CRYBG2: variants seen among roughly 807,000 people sequenced by gnomAD.
CRYBG2 encodes beta/gamma crystallin domain-containing protein 2.
A neutral mutation model predicts 153.4 loss-of-function variants in CRYBG2; 106 were observed. The observed-to-expected ratio is 0.69, with a 90% CI of 0.59 to 0.81. The LOEUF (loss-of-function observed/expected upper bound fraction) is 0.81. Ranked by LOEUF, CRYBG2 falls within the 30% of genes least tolerant of loss-of-function variation. The pLI is 0.00. For missense variants in CRYBG2, 1,996 were observed against 2,112.0 expected (o/e 0.95, Z 1.08); for synonymous variants, 851 against 877.8 (o/e 0.97, Z 0.54).
intron 5 of CRYBG2, among the ~76,000 whole-genome samples, 194 bp downstream of exon 5, chr1:26,342,560 C>T (rs1044085541): frequency 2.0e-5 from 3 of 152,150 alleles, no homozygotes; most frequent in Non-Finnish European, 2.9e-5. Flanking sequence ...CCAGCACACT[C>T]GGCTAATTTT....
In CRYBG2 at chr1:26,328,303, C is replaced by T. The variant is rs148178516; in HGVS notation, c.4484G>A (p.Arg1495Gln). Residue 1495 changes from arginine to glutamine, a missense_variant, in exon 17 of 20, where the codon CGG (arginine) becomes CAG (glutamine). By Grantham distance (43) the Arg-to-Gln change is conservative. Transcript: ENST00000308182. ...IWVLCEHSDFRGRQWLVGSCE... is the reference protein window; with the variant it reads ...IWVLCEHSDFQGRQWLVGSCE... ...GCTTCCCACCAGCCACTGGCGGCCC[C>T]GGAAGTCACTGTGTTCACATAGCAC... The T allele has an allele frequency of 5.7e-6, 9 of 1,571,324 alleles. No homozygotes were observed. The highest frequency in any genetic ancestry group is 2.4e-5 in the East Asian group (1 of 42,356).
Position 26,344,493 on chromosome 1 carries a change from G to A in CRYBG2, c.2165C>T (p.Thr722Ile). ...TGCTCCTGTTGGCACTGGGGCAGGG[G>A]TGCCTCCTGGGCTGGGGGACACCCT... Reference protein sequence around the residue: ...VDRVSPSPGGTPAPVPTGAEA... With the variant: ...VDRVSPSPGGIPAPVPTGAEA... Residue 722 changes from threonine (T) to isoleucine (I), a missense_variant, in exon 2 of 20, where the codon ACC becomes ATC. Thr to Ile is a moderately conservative substitution (Grantham distance 89, BLOSUM62 -1). Transcript: ENST00000308182. 1 of 1,544,852 alleles carries A rather than the reference G, an allele frequency of 6.5e-7. No homozygotes were observed. The highest frequency in any genetic ancestry group is 8.7e-7 in the Non-Finnish European group (1 of 1,144,242).
In CRYBG2 at chr1:26,345,524, G is replaced by T. The variant is rs1248190598; in HGVS notation, c.1134C>A (p.His378Gln). 4 of 1,599,156 alleles carry T rather than the reference G, an allele frequency of 2.5e-6. No homozygotes were observed. The highest frequency in any genetic ancestry group is 3.4e-5 in the Admixed American group (2 of 59,118). The change falls in exon 2 of 20, where the codon CAC (histidine) becomes CAA (glutamine). Residue 378 changes from histidine to glutamine, a missense_variant. By Grantham distance (24) the His-to-Gln change is conservative. Transcript: ENST00000308182. ...HPAKQPVVPTHPGARLTPLVL... is the reference protein window; with the variant it reads ...HPAKQPVVPTQPGARLTPLVL... The stretch of plus-strand genomic sequence containing the variant: ...CAAGGGGAGTGAGCCGGGCCCCGGG[G>T]TGAGTGGGCACCACAGGCTGCTTTG...
At chr1:26,330,839 G>A (rs557597677) in intron 15 of CRYBG2, among the ~76,000 whole-genome samples, 168 of 152,160 alleles carry the variant, frequency 1.1e-3, no homozygotes, top group Non-Finnish European at 2.1e-3. Context: ...ACACCTGGCT[G>A]GTGGAAAGCC....
intron 1 of CRYBG2, among the ~76,000 whole-genome samples, chr1:26,352,024 A>T (rs1323934289): frequency 2.0e-5 from 3 of 151,370 alleles, no homozygotes; most frequent in Non-Finnish European, 2.9e-5. Context: ...AGGCGTGTGG[A>T]GCTGGGAAGG....
Position 26,336,063 on chromosome 1 carries a change from G to A in CRYBG2, c.4184+32C>T, listed in dbSNP as rs754835075. On this transcript the variant is annotated intron_variant, in intron 14 of 19. Coordinates refer to ENST00000308182, the MANE Select transcript of CRYBG2 (RefSeq NM_001039775.4). This position sits in a 1 kb window ranked among gnomAD's most constrained non-coding sequence, Gnocchi z 4.9. ...CCTGCAGCCCCGCCTCTGCCCCAGC[G>A]CCCCCAGCCCTCCGCCCCTCCACGT... is the stretch of plus-strand genomic sequence containing the variant. 117 of 1,414,330 alleles carry A rather than the reference G, an allele frequency of 8.3e-5. 1 individual carries two copies. In the African/African-American group the frequency reaches 1.4e-3, roughly 17 times the overall value. The allele number at this position is 1,414,330 out of a possible 1,614,324, so 87.6% of individuals were successfully genotyped here. A position where few individuals can be genotyped will look rare whatever the true frequency, so the allele number is the denominator to read the frequency against.
intron 17 of CRYBG2, among the ~76,000 whole-genome samples, chr1:26,327,334 G>A (rs536777036): frequency 3.9e-5 from 6 of 152,212 alleles, no homozygotes; most frequent in Admixed American, 3.9e-4. Flanking sequence ...CGGGTGTGGT[G>A]GCAGGCACCT....
In CRYBG2 at chr1:26,344,527, A is replaced by T; in HGVS notation, c.2131T>A (p.Ser711Thr). Residue 711 changes from serine to threonine, a missense_variant, in exon 2 of 20, where the codon TCA becomes ACA. By Grantham distance (58) the Ser-to-Thr change is moderately conservative. Transcript: ENST00000308182. Reference sequence around the variant, plus strand: ...GGGCTGGGGGACACCCTGTCCACTGAGGAAGATGGGGCAGGGAGAGCATCA... The same window carrying T: ...GGGCTGGGGGACACCCTGTCCACTGTGGAAGATGGGGCAGGGAGAGCATCA... Reference protein sequence around the residue: ...DPDALPAPSSSVDRVSPSPGG... With the variant: ...DPDALPAPSSTVDRVSPSPGG... The T allele has an allele frequency of 3.9e-6, 6 of 1,544,688 alleles. No homozygotes were observed. The highest frequency in any genetic ancestry group is 5.2e-6 in the Non-Finnish European group (6 of 1,145,534).
At chr1:26,351,887 C>G (rs530975006) in intron 1 of CRYBG2, among the ~76,000 whole-genome samples, 16 of 152,186 alleles carry the variant, frequency 1.1e-4, no homozygotes, top group Non-Finnish European at 2.1e-4. Flanking sequence ...TGAAGACATA[C>G]CCCAATACAA....
chr1:26,341,256 G>A (rs1018572120), intron 5 of CRYBG2, among the ~76,000 whole-genome samples: 2 of 151,520 alleles, frequency 1.3e-5, no homozygotes, highest in African/African-American at 2.4e-5. Flanking sequence ...CAGGAGAATC[G>A]CGTGAACCCA....
Position 26,336,813 on chromosome 1 carries a change from C to T in CRYBG2, c.3911+28G>A, listed in dbSNP as rs370272375. On this transcript the variant is annotated intron_variant, in intron 11 of 19. Coordinates refer to ENST00000308182, the MANE Select transcript of CRYBG2 (RefSeq NM_001039775.4). This position sits in a 1 kb window ranked among gnomAD's most constrained non-coding sequence, Gnocchi z 4.9. ...ACCGCCCCCGGCTCGCCCGGGCCCG[C>T]CCCGCTCCCGGAGCCCGGGTCACTT... 3 of 1,569,082 alleles carry T rather than the reference C, an allele frequency of 1.9e-6. No homozygotes were observed. Among genetic ancestry groups the T allele is most frequent in the Non-Finnish European group, 8.6e-7 (1 of 1,158,974 alleles).
chr1:26,348,553 GAA>G (rs2074251774), intron 1 of CRYBG2, among the ~76,000 whole-genome samples: 1 of 151,936 alleles, frequency 6.6e-6, no homozygotes, highest in Non-Finnish European at 1.5e-5. Flanking sequence ...TTATCGCTAA[GAA>G]AAGTTATCAT....
intron 14 of CRYBG2, among the ~76,000 whole-genome samples, chr1:26,333,660 G>A (rs530201381): frequency 6.6e-6 from 1 of 152,238 alleles, no homozygotes; most frequent in African/African-American, 2.4e-5. Flanking sequence ...TGCAAGCCAG[G>A]AAGAAAGGCC....
Position 26,345,683 on chromosome 1 carries a change from G to T in CRYBG2, c.975C>A (p.Ala325=). Reference sequence around the variant, plus strand: ...CTCCCAGCACCTGCCAGAGCTCACAGGCCCTGGCATCCGGGGCTCTGCCCT... The same window carrying T: ...CTCCCAGCACCTGCCAGAGCTCACATGCCCTGGCATCCGGGGCTCTGCCCT... The part of the protein sequence containing the change: ...RDQGRAPDAR[A]CELWQVLGAP... Residue 325 remains alanine (A), a synonymous_variant, in exon 2 of 20, where the codon GCC becomes GCA. Transcript: ENST00000308182. The T allele has an allele frequency of 6.3e-7, 1 of 1,598,534 alleles. No individual in the cohort carries two copies. Among genetic ancestry groups the T allele is most frequent in the Non-Finnish European group, 8.5e-7 (1 of 1,179,678 alleles).
At chr1:26,339,455 T>C in intron 5 of CRYBG2, 26 bp from the exon 6 acceptor site, 1 of 1,612,330 alleles carries the variant, frequency 6.2e-7, no homozygotes, top group South Asian at 1.1e-5. Flanking sequence ...GAAAATTAAA[T>C]ATAGATAAAC....
chr1:26,323,129 G>C (rs1015416655), intron 18 of CRYBG2, among the ~76,000 whole-genome samples: 6 of 150,018 alleles, frequency 4.0e-5, no homozygotes, highest in Non-Finnish European at 8.9e-5. Flanking sequence ...TGCCCAGGCT[G>C]GTGTGCAGTG....
chr1:26,351,374 G>C (rs996741682), intron 1 of CRYBG2, among the ~76,000 whole-genome samples: 2 of 152,160 alleles, frequency 1.3e-5, no homozygotes, highest in African/African-American at 2.4e-5. Flanking sequence ...AAGTGGCAAA[G>C]CTTGAGCTCT....
Position 26,343,956 on chromosome 1 carries a change from G to A in CRYBG2, c.2702C>T (p.Thr901Ile), listed in dbSNP as rs1253522773. ...GLELQGGSRPTSRLGGSLLFG... is the reference protein window; with the variant it reads ...GLELQGGSRPISRLGGSLLFG... ...CAGAAGGCTGCCTCCAAGACGGGAA[G>A]TGGGCCTGCTGCCTCCCTGCAGTTC... The change falls in exon 2 of 20, where the codon ACT becomes ATT. Residue 901 changes from threonine (T) to isoleucine (I), a missense_variant. Transcript: ENST00000308182. This position sits in a 1 kb window ranked among gnomAD's most constrained non-coding sequence, Gnocchi z 4.1. 12 of 1,538,010 alleles carry A rather than the reference G, an allele frequency of 7.8e-6. No individual in the cohort carries two copies. The highest frequency in any genetic ancestry group is 1.0e-5 in the Non-Finnish European group (12 of 1,146,616).
At position 26,336,075 on chromosome 1, in the gene CRYBG2, C is replaced by G; in HGVS notation, c.4184+20G>C. 6.9e-7 allele frequency: 1 copy of G among 1,439,624 alleles called. No homozygotes were observed. 89.2% of individuals were successfully genotyped at this position (1,439,624 alleles called of 1,614,324 possible). On this transcript the variant is annotated intron_variant, in intron 14 of 19. Coordinates refer to ENST00000308182, the MANE Select transcript of CRYBG2 (RefSeq NM_001039775.4). The surrounding 1 kb of genome is among the most constrained non-coding windows in gnomAD (Gnocchi z 4.9). ...CCTCTGCCCCAGCGCCCCCAGCCCTCCGCCCCTCCACGTTCTCACCTGCCG... is the reference window on the plus strand; with the variant it reads ...CCTCTGCCCCAGCGCCCCCAGCCCTGCGCCCCTCCACGTTCTCACCTGCCG...
Sources: allele counts gnomAD v4.1 joint callset (sites outside exome capture counted in the v4.1 genomes callset), GRCh38; gene constraint gnomAD v4.1.1; non-coding constraint Gnocchi (gnomAD v3.1); transcripts MANE v1.5; gene names NCBI Gene and HGNC (gene_info 2026-07-23, HGNC 2026-07-21).